PXDN: variants seen among roughly 807,000 people sequenced by gnomAD.
PXDN encodes the protein peroxidasin.
A neutral mutation model predicts 140.3 loss-of-function variants in PXDN; 77 were observed. That is an observed-to-expected ratio of 0.55 (90% CI 0.46 to 0.66). The LOEUF is 0.66. Among genes scored for constraint, PXDN ranks in the 30% least tolerant of loss-of-function variants. The probability of loss-of-function intolerance (pLI) is 0.00; values close to 1 mark genes in which losing one functional copy is unlikely to be tolerated. For missense variants in PXDN, 1,838 were observed against 2,039.5 expected, an observed-to-expected ratio of 0.90 and a Z score of 1.90; for synonymous variants, 911 against 857.4, an observed-to-expected ratio of 1.06 and a Z score of -1.09.
At chr2:1,710,840 A>ACT (rs1304369331) in intron 1 of PXDN, among the ~76,000 whole-genome samples, 2 of 14,560 alleles carry the variant, frequency 1.4e-4, no homozygotes, top group Admixed American at 8.8e-4. Context: ...ACCAGCACCC[A>ACT]CTCCACCAGC....
intron 14 of PXDN, among the ~76,000 whole-genome samples, chr2:1,657,597 C>G (rs1683175680): frequency 6.6e-6 from 1 of 150,766 alleles, no homozygotes; most frequent in Non-Finnish European, 1.5e-5. Context: ...CTGAAAGCAG[C>G]TCCCTCCTAA....
chr2:1,711,632 G>GCACCCA (rs1684788139), intron 1 of PXDN, among the ~76,000 whole-genome samples: 2 of 52,898 alleles, frequency 3.8e-5, no homozygotes. Context: ...ACCAGCACCC[G>GCACCCA]CTCCACCAGC....
At chr2:1,653,463 T>G (rs990795249) in intron 16 of PXDN, 165 bp downstream of exon 16, 23 of 1,061,510 alleles carry the variant, frequency 2.2e-5, no homozygotes, top group Non-Finnish European at 3.3e-5. Context: ...GCGACAGGGC[T>G]GTAGGGCTCA....
At chr2:1,678,772 G>A (rs1022188097) in intron 7 of PXDN, among the ~76,000 whole-genome samples, 6 of 152,192 alleles carry the variant, frequency 3.9e-5, no homozygotes, top group African/African-American at 7.2e-5. Context: ...ACTGAGGGCC[G>A]TTTCTGGGAG....
intron 2 of PXDN, among the ~76,000 whole-genome samples, 167 bp from the exon 3 acceptor site, chr2:1,692,166 G>A (rs1354023785): frequency 1.2e-4 from 18 of 152,202 alleles, no homozygotes; most frequent in Admixed American, 8.5e-4. Flanking sequence ...CACAGCTTTC[G>A]CGTTTAACCA....
chr2:1,702,992 G>GGGCAACTCCAGGTGAAGGA (rs1684474113), intron 1 of PXDN, among the ~76,000 whole-genome samples: 1 of 99,644 alleles, frequency 1.0e-5, no homozygotes, highest in African/African-American at 5.5e-5. Context: ...AGGTGAAGGG[G>GGGCAACTCCAGGTGAAGGA]GGGACAACTC....
At chr2:1,739,636 A>G (rs2125496883) in intron 1 of PXDN, among the ~76,000 whole-genome samples, 1 of 152,256 alleles carries the variant, frequency 6.6e-6, no homozygotes, top group South Asian at 2.1e-4. Context: ...TACTCCCTGG[A>G]TGGCAAACTG....
intron 1 of PXDN, among the ~76,000 whole-genome samples, chr2:1,741,153 A>AGCG (rs1229022806): frequency 1.3e-5 from 2 of 152,096 alleles, no homozygotes; most frequent in African/African-American, 2.4e-5. Flanking sequence ...CCAGCACCCT[A>AGCG]GCGGCGTGAC....
intron 14 of PXDN, among the ~76,000 whole-genome samples, chr2:1,655,126 A>G (rs113882766): frequency 1.6e-4 from 24 of 147,056 alleles, no homozygotes; most frequent in African/African-American, 5.5e-4. Flanking sequence ...TACATAGCAC[A>G]TTACATGCAC....
intron 14 of PXDN, among the ~76,000 whole-genome samples, chr2:1,656,702 C>T (rs78023253): frequency 0.019 from 2,768 of 144,020 alleles, 71 homozygotes; most frequent in African/African-American, 0.068. Flanking sequence ...GACAGAAACC[C>T]GCCCCCACCT....
intron 14 of PXDN, among the ~76,000 whole-genome samples, chr2:1,658,787 AC>A (rs1272763753): frequency 2.5e-5 from 2 of 81,196 alleles, no homozygotes; most frequent in Non-Finnish European, 4.6e-5. Flanking sequence ...TGACCCCAGG[AC>A]CCCCCCACTC....
chr2:1,632,344 T>C lies in PXDN; in HGVS notation c.*1860A>G, dbSNP rs1398488867. On this transcript the variant is annotated 3_prime_UTR_variant, in exon 23 of 23. Coordinates refer to ENST00000252804, the MANE Select transcript of PXDN (RefSeq NM_012293.3). The surrounding 1 kb of genome is among the most constrained non-coding windows in gnomAD (Gnocchi z 4.3). ...CCAGAACCCAGAATCTGCTGTCATC[T>C]GAGTGCCTGAGCAACTTACATAACC... The C allele has an allele frequency of 6.6e-6, 1 of 152,242 alleles. No homozygotes were observed. The highest frequency in any genetic ancestry group is 1.5e-5 in the Non-Finnish European group (1 of 68,044). 9.4% of individuals were successfully genotyped at this position (152,242 alleles called of 1,614,324 possible). A position where few individuals can be genotyped will look rare whatever the true frequency, so the allele number is the denominator to read the frequency against.
intron 2 of PXDN, 132 bp from the exon 3 acceptor site, chr2:1,692,131 C>T (rs996235405): frequency 4.8e-5 from 32 of 671,358 alleles, no homozygotes; most frequent in South Asian, 1.2e-4. Context: ...CAACATTCAA[C>T]GAACGCTGAA....
intron 11 of PXDN, chr2:1,664,447 C>T (rs1683383000): frequency 6.4e-6 from 1 of 156,578 alleles, no homozygotes; most frequent in South Asian, 2.0e-4. Flanking sequence ...CAGCGACTTT[C>T]CCATTGAAGA....
Position 1,683,640 on chromosome 2 carries a change from A to C in PXDN, c.560+16T>G, listed in dbSNP as rs760176283. ...AGGCTTTGCAGCAAAGAAAACACAA[A>C]AGGTTTTATACTCACAATCTCTTCA... On this transcript the variant is annotated intron_variant, in intron 6 of 22. Transcript: ENST00000252804. 1.3e-4 allele frequency: 199 copies of C among 1,484,214 alleles called. 2 individuals carry two copies. In the South Asian group the frequency reaches 1.6e-3, roughly 12 times the overall value. The allele number at this position is 1,484,214 out of a possible 1,614,324, so 91.9% of individuals were successfully genotyped here.
intron 1 of PXDN, among the ~76,000 whole-genome samples, chr2:1,724,876 T>G (rs1685139530): frequency 6.6e-6 from 1 of 152,244 alleles, no homozygotes; most frequent in African/African-American, 2.4e-5. Context: ...TTTATAGGAT[T>G]GCTTTAATTC....
At chr2:1,711,789 C>G (rs542459545) in intron 1 of PXDN, among the ~76,000 whole-genome samples, 1 of 152,336 alleles carries the variant, frequency 6.6e-6, no homozygotes, top group African/African-American at 2.4e-5. Context: ...CAGCCAGCTC[C>G]CACTGCATTT....
chr2:1,638,491 A>G (rs1448640156), intron 21 of PXDN, among the ~76,000 whole-genome samples: 1 of 152,180 alleles, frequency 6.6e-6, no homozygotes, highest in Non-Finnish European at 1.5e-5. Flanking sequence ...GAGATGATTC[A>G]GAGTTATTCC....
intron 2 of PXDN, chr2:1,692,452 C>T (rs1255171806): frequency 2.1e-6 from 1 of 470,208 alleles, no homozygotes; most frequent in South Asian, 1.6e-5. Context: ...TGAGAGACCC[C>T]GGGCCACTTG....
Sources: allele counts gnomAD v4.1 joint callset (sites outside exome capture counted in the v4.1 genomes callset), GRCh38; gene constraint gnomAD v4.1.1; non-coding constraint Gnocchi (gnomAD v3.1); transcripts MANE v1.5; gene names NCBI Gene and HGNC (gene_info 2026-07-23, HGNC 2026-07-21).